The following INTS1 variants were observed in gnomAD, a reference collection of about 807,000 sequenced individuals.
The protein encoded by INTS1 is integrator complex subunit 1.
INTS1 carries 137 observed loss-of-function variants against 241.6 expected under a neutral mutation model. That is an observed-to-expected ratio of 0.57 (90% CI 0.49 to 0.65). INTS1 has a LOEUF of 0.65. Ranked by LOEUF, INTS1 falls within the 30% of genes least tolerant of loss-of-function variation. The pLI, the probability that INTS1 is intolerant of heterozygous loss-of-function variation, is 0.00. For missense variants in INTS1, 3,073 were observed against 3,032.2 expected, an observed-to-expected ratio of 1.01 and a Z score of -0.32; for synonymous variants, 1,692 against 1,337.8, an observed-to-expected ratio of 1.26 and a Z score of -5.78.
Position 1,484,025 on chromosome 7 carries a change from T to A in INTS1, c.3407A>T (p.Glu1136Val). The change falls in exon 25 of 48, where the codon GAG (glutamate) becomes GTG (valine). Residue 1136 changes from glutamate (E) to valine (V), a missense_variant. Transcript: ENST00000404767. ...CACCCAGCTGTAGACCTCCTCGCCC[T>A]CCTTGCTCTGCCGCATGCGCCTCAC... is the stretch of plus-strand genomic sequence containing the variant. ...RYVRRMRQSKEGEEVYSWSES... is the reference protein window; with the variant it reads ...RYVRRMRQSKVGEEVYSWSES... The A allele has an allele frequency of 6.2e-7, 1 of 1,610,294 alleles. No individual in the cohort carries two copies. The highest frequency in any genetic ancestry group is 8.5e-7 in the Non-Finnish European group (1 of 1,178,608).
rs545686477 is a variant in INTS1, at chr7:1,493,701, A to G, written c.2068+53T>C. ...TGCGTGCCAGAGCCGGGGTTTCTGCAGGGACGAGGGGAGCAGACCCAGCAC... is the reference window on the plus strand; with the variant it reads ...TGCGTGCCAGAGCCGGGGTTTCTGCGGGGACGAGGGGAGCAGACCCAGCAC... On this transcript the variant is annotated intron_variant, in intron 15 of 47. Transcript: ENST00000404767. This position sits in a 1 kb window ranked among gnomAD's most constrained non-coding sequence, Gnocchi z 5.3. 89 of 1,514,096 alleles carry G rather than the reference A, an allele frequency of 5.9e-5. No individual in the cohort carries two copies. The South Asian group carries it at 1.0e-3, about 17-fold the overall frequency. The allele number at this position is 1,514,096 out of a possible 1,614,324, so 93.8% of individuals were successfully genotyped here. A position where few individuals can be genotyped will look rare whatever the true frequency, so the allele number is the denominator to read the frequency against.
At position 1,476,930 on chromosome 7, in the gene INTS1, G is replaced by A. The variant is rs756933149; in HGVS notation, c.4939-12C>T. On this transcript the variant is annotated splice_polypyrimidine_tract_variant and intron_variant, in intron 35 of 47. Transcript: ENST00000404767. ...GCCTGACCTTTGCCCTGGGGAGGGA[G>A]GAAGAAGCCCGGATGGCCTCACCTG... 8.1e-6 allele frequency: 13 copies of A among 1,606,972 alleles called. No individual in the cohort carries two copies. The highest frequency in any genetic ancestry group is 1.1e-5 in the Non-Finnish European group (13 of 1,178,482).
intron 16 of INTS1, among the ~76,000 whole-genome samples, chr7:1,491,674 G>A (rs1782553380): frequency 6.6e-6 from 1 of 152,196 alleles, no homozygotes; most frequent in South Asian, 2.1e-4. Flanking sequence ...GTCAAAGCAG[G>A]AGGACTGCTT....
At position 1,493,839 on chromosome 7, in the gene INTS1, C is replaced by G. The variant is rs892050580; in HGVS notation, c.1983G>C (p.Leu661=). The G allele has an allele frequency of 2.5e-6, 4 of 1,571,080 alleles. No individual in the cohort carries two copies. Among genetic ancestry groups the G allele is most frequent in the Non-Finnish European group, 3.5e-6 (4 of 1,159,320 alleles). Residue 661 remains leucine (L), a synonymous_variant, in exon 15 of 48, where the codon CTG becomes CTC. Transcript: ENST00000404767. The surrounding 1 kb of genome is among the most constrained non-coding windows in gnomAD (Gnocchi z 5.3). ...CAGGCCCGAGCGGGAGCTCCCGGGA[C>G]AGCCCGATGACCAGGATGCGCATCA... ...DTLMRILVIG[L]SRELPLGPAD... is the part of the protein sequence containing the mutation.
At chr7:1,487,224 C>A in intron 20 of INTS1, 96 bp downstream of exon 20, 2 of 1,507,192 alleles carry the variant, frequency 1.3e-6, no homozygotes, top group South Asian at 1.2e-5. Context: ...GCCCCGCATC[C>A]AGGTGTGTCC....
rs1228029278 is a variant in INTS1, at chr7:1,487,085, A to G, written c.2663T>C (p.Met888Thr). 1.3e-6 allele frequency: 2 copies of G among 1,550,674 alleles called. No homozygotes were observed. Among genetic ancestry groups the G allele is most frequent in the Admixed American group, 1.9e-5 (1 of 51,678 alleles). The change falls in exon 21 of 48, where the codon ATG (methionine) becomes ACG (threonine). Residue 888 changes from methionine to threonine, a missense_variant. Physicochemically the swap from Met to Thr is moderately conservative, Grantham distance 81. Transcript: ENST00000404767. Reference protein sequence around the residue: ...IIQRQASSQSMPWLADLVQSS... With the variant: ...IIQRQASSQSTPWLADLVQSS... ...CTGTACCAGGTCCGCCAGCCAGGGC[A>G]TGGACTGCGAGGAGGCCTGGGCAGG... is the stretch of plus-strand genomic sequence containing the variant.
intron 18 of INTS1, among the ~76,000 whole-genome samples, chr7:1,488,496 A>G (rs1782387810): frequency 6.6e-6 from 1 of 152,096 alleles, no homozygotes; most frequent in African/African-American, 2.4e-5. Flanking sequence ...CTCCCACCTC[A>G]GGACACACAC....
Position 1,502,960 on chromosome 7 carries a change from A to C in INTS1, c.290T>G (p.Val97Gly), listed in dbSNP as rs1233144297. 3 of 1,613,698 alleles carry C rather than the reference A, an allele frequency of 1.9e-6. No individual in the cohort carries two copies. Among genetic ancestry groups the C allele is most frequent in the Non-Finnish European group, 2.5e-6 (3 of 1,179,866 alleles). Residue 97 changes from valine to glycine, a missense_variant, in exon 3 of 48, where the codon GTG becomes GGG. Coordinates refer to ENST00000404767, the MANE Select transcript of INTS1 (RefSeq NM_001080453.3). ...CGGAGAAATGGCTCGTTTTTCTGCC[A>C]CTGCAGCCTCAGCCAGGCGCCCCAG... The part of the protein sequence containing the change: ...SALGRLAEAA[V>G]AEKRAISPSI...
Position 1,476,013 on chromosome 7 carries a change from G to A in INTS1, c.5437C>T (p.Leu1813=), listed in dbSNP as rs779851636. Residue 1813 remains leucine (L), a synonymous_variant, in exon 39 of 48, where the codon CTG becomes TTG. Coordinates refer to ENST00000404767, the MANE Select transcript of INTS1 (RefSeq NM_001080453.3). ...LLQLYLQRPE[L]RVPVPEVLLH... ...AGGACCTCAGGCACGGGCACCCGCA[G>A]CTCCGGCCGCTGTAGGTAGAGCTGC... 3 of 1,545,946 alleles carry A rather than the reference G, an allele frequency of 1.9e-6. No individual in the cohort carries two copies. Among genetic ancestry groups the A allele is most frequent in the East Asian group, 2.4e-5 (1 of 40,892 alleles).
intron 47 of INTS1, 47 bp from the exon 48 acceptor site, chr7:1,470,739 T>A: frequency 6.7e-7 from 1 of 1,488,742 alleles, no homozygotes; most frequent in African/African-American, 1.4e-5. Context: ...CACAACATCC[T>A]GGCCGCAGTG....
Position 1,477,905 on chromosome 7 carries a change from G to T in INTS1, c.4662C>A (p.Pro1554=). The part of the protein sequence containing the change: ...VLQGLIEVRS[P]HLEELLTAFF... ...ATGCAGTCAGCAGCTCCTCCAGGTGGGGGGACCTCACCTCGATCAGCCCCT... is the reference window on the plus strand; with the variant it reads ...ATGCAGTCAGCAGCTCCTCCAGGTGTGGGGACCTCACCTCGATCAGCCCCT... Residue 1554 remains proline, a synonymous_variant, in exon 34 of 48, where the codon CCC becomes CCA. Transcript: ENST00000404767. 6.2e-7 allele frequency: 1 copy of T among 1,612,564 alleles called. No individual in the cohort carries two copies. The highest frequency in any genetic ancestry group is 8.5e-7 in the Non-Finnish European group (1 of 1,179,792).
In INTS1 at chr7:1,480,871, G is replaced by T. The variant is rs1191636013; in HGVS notation, c.3913C>A (p.His1305Asn). 6.4e-7 allele frequency: 1 copy of T among 1,555,792 alleles called. No homozygotes were observed. Among genetic ancestry groups the T allele is most frequent in the Non-Finnish European group, 8.7e-7 (1 of 1,150,630 alleles). ...ERGASGGQTFHSLLTASLPPR... is the reference protein window; with the variant it reads ...ERGASGGQTFNSLLTASLPPR... ...GGCAGGGAGGCTGTGAGCAAGGAGT[G>T]GAAAGTCTGGCCTCCGGAGGCGCCG... Residue 1305 changes from histidine to asparagine, a missense_variant, in exon 29 of 48, where the codon CAC becomes AAC. Coordinates refer to ENST00000404767, the MANE Select transcript of INTS1 (RefSeq NM_001080453.3).
chr7:1,502,897 T>G lies in INTS1; in HGVS notation c.349+4A>C. Reference sequence around the variant, plus strand: ...TTCTCGGGGGATGTCCACAGACTCATTACCTTCAATTGGCACCACAGATGG... The same window carrying G: ...TTCTCGGGGGATGTCCACAGACTCAGTACCTTCAATTGGCACCACAGATGG... On this transcript the variant is annotated splice_donor_region_variant and intron_variant, in intron 3 of 47. Transcript: ENST00000404767. 1 of 1,613,620 alleles carries G rather than the reference T, an allele frequency of 6.2e-7. No homozygotes were observed. Among genetic ancestry groups the G allele is most frequent in the Non-Finnish European group, 8.5e-7 (1 of 1,179,794 alleles).
intron 25 of INTS1, 52 bp from the exon 26 acceptor site, chr7:1,483,905 G>A (rs1050157294): frequency 6.3e-7 from 1 of 1,588,138 alleles, no homozygotes; most frequent in Non-Finnish European, 8.6e-7. Context: ...CCCTGAGCCA[G>A]CGCCGAGGGT....
chr7:1,504,200 G>C (rs1356797178), intron 1 of INTS1, 123 bp downstream of exon 1: 1 of 532,626 alleles, frequency 1.9e-6, no homozygotes, highest in African/African-American at 2.0e-5. Context: ...GGCAGCAGGC[G>C]ACGCGGACGC....
In INTS1 at chr7:1,478,470, G is replaced by A; in HGVS notation, c.4526C>T (p.Ala1509Val). ...GGLLRLAEAL[A>V]FRQDLEVVSS... ...GACCACCTCCAGGTCCTGACGGAAG[G>A]CCAGGGCCTCGGCCAGGCGCAGGAG... The change falls in exon 33 of 48, where the codon GCC becomes GTC. Residue 1509 changes from alanine to valine, a missense_variant. By Grantham distance (64) the Ala-to-Val change is moderately conservative. Coordinates refer to ENST00000404767, the MANE Select transcript of INTS1 (RefSeq NM_001080453.3). 2 of 1,612,168 alleles carry A rather than the reference G, an allele frequency of 1.2e-6. No individual in the cohort carries two copies. Among genetic ancestry groups the A allele is most frequent in the Non-Finnish European group, 1.7e-6 (2 of 1,179,698 alleles).
chr7:1,496,152 T>C lies in INTS1; in HGVS notation c.1711+4A>G. On this transcript the variant is annotated splice_donor_region_variant and intron_variant, in intron 12 of 47. Coordinates refer to ENST00000404767, the MANE Select transcript of INTS1 (RefSeq NM_001080453.3). ...GCAGGGCCAGGCCACCCCCACATCC[T>C]TACTCCTCTTTTCTCCTTTGTCCCA... 1 of 1,612,748 alleles carries C rather than the reference T, an allele frequency of 6.2e-7. No individual in the cohort carries two copies. The highest frequency in any genetic ancestry group is 8.5e-7 in the Non-Finnish European group (1 of 1,178,854).
At chr7:1,472,184 T>A in intron 44 of INTS1, 89 bp downstream of exon 44, 1 of 1,005,702 alleles carries the variant, frequency 9.9e-7, no homozygotes, top group African/African-American at 1.6e-5. Context: ...CACGCCAAAG[T>A]CAGTGCCCAA....
intron 35 of INTS1, among the ~76,000 whole-genome samples, chr7:1,477,183 G>A (rs1184034515): frequency 6.6e-6 from 1 of 152,230 alleles, no homozygotes; most frequent in African/African-American, 2.4e-5. Context: ...CTCCCTGGAG[G>A]ATGTGGGGAG....
Sources: gnomAD v4.1 joint callset for allele counts (sites outside exome capture counted in the v4.1 genomes callset) on GRCh38, gnomAD v4.1.1 for gene constraint, Gnocchi (gnomAD v3.1) non-coding constraint, MANE v1.5 for transcripts, NCBI Gene and HGNC (gene_info 2026-07-23, HGNC 2026-07-21) for gene names.